Variants in TNFSF4 observed in about 807,000 individuals in gnomAD.
TNFSF4 encodes tumor necrosis factor ligand superfamily member 4.
In TNFSF4, 4 loss-of-function variants were observed where a neutral mutation model predicts 7.3. The observed-to-expected ratio is 0.55, with a 90% CI of 0.27 to 1.25. The LOEUF is 1.25. TNFSF4 is among the 50% of genes most tolerant of loss of function. The probability of loss-of-function intolerance (pLI) is 0.12; values close to 1 mark genes in which losing one functional copy is unlikely to be tolerated. For missense variants in TNFSF4, 181 were observed against 208.8 expected, an observed-to-expected ratio of 0.87 and a Z score of 0.82; for synonymous variants, 76 against 83.7, an observed-to-expected ratio of 0.91 and a Z score of 0.50.
At chr1:173,300,977 G>A in the TNFSF4 span, among the ~76,000 whole-genome samples, 3 of 151,868 alleles carry the variant, frequency 2.0e-5, no homozygotes, top group East Asian at 3.9e-4. Context: ...TTACGTGAAC[G>A]AATGATAACC....
intron 1 of TNFSF4, among the ~76,000 whole-genome samples, chr1:173,203,945 T>G (rs1282419303): frequency 1.3e-5 from 2 of 152,166 alleles, no homozygotes; most frequent in African/African-American, 4.8e-5. Context: ...ACAGTGTGTA[T>G]TGGTTTTGGT....
At chr1:173,233,121 G>A in the TNFSF4 span, among the ~76,000 whole-genome samples, 5 of 152,318 alleles carry the variant, frequency 3.3e-5, no homozygotes, top group South Asian at 1.0e-3. Flanking sequence ...AACCAGTGTA[G>A]AGAAGACCTT....
chr1:173,305,881 G>A, the TNFSF4 span, among the ~76,000 whole-genome samples: 1 of 151,756 alleles, frequency 6.6e-6, no homozygotes, highest in African/African-American at 2.4e-5. Flanking sequence ...CTCCACATGT[G>A]CGGATTAAAA....
chr1:173,175,033 T>C, the TNFSF4 span: 1 of 152,218 alleles, frequency 6.6e-6, no homozygotes, highest in African/African-American at 2.4e-5. Flanking sequence ...TGAAGTAAGA[T>C]CCTATCGGGC....
chr1:173,368,142 T>G, the TNFSF4 span, among the ~76,000 whole-genome samples: 5 of 152,052 alleles, frequency 3.3e-5, no homozygotes, highest in African/African-American at 1.2e-4. Flanking sequence ...AGGACAAAAA[T>G]GGAACACGCG....
chr1:173,350,708 A>T, the TNFSF4 span, among the ~76,000 whole-genome samples: 4 of 152,324 alleles, frequency 2.6e-5, no homozygotes, highest in South Asian at 8.3e-4. Flanking sequence ...TAGATGCAAC[A>T]TCTAAAATAT....
At chr1:173,379,427 A>C in the TNFSF4 span, among the ~76,000 whole-genome samples, 1 of 152,192 alleles carries the variant, frequency 6.6e-6, no homozygotes, top group Admixed American at 6.5e-5. Context: ...ACCATAACTC[A>C]GGGAAAGGAA....
chr1:173,342,761 TA>T, the TNFSF4 span, among the ~76,000 whole-genome samples: 14,985 of 152,214 alleles, frequency 0.098, 864 homozygotes, highest in East Asian at 0.27. Flanking sequence ...AATGTGATGA[TA>T]AACGGGAACC....
At chr1:173,410,233 T>TA in the TNFSF4 span, among the ~76,000 whole-genome samples, 1 of 151,638 alleles carries the variant, frequency 6.6e-6, no homozygotes, top group Non-Finnish European at 1.5e-5. Flanking sequence ...AAATAAAAAA[T>TA]AAAAAAAGAC....
At chr1:173,245,222 C>T in the TNFSF4 span, among the ~76,000 whole-genome samples, 1 of 152,120 alleles carries the variant, frequency 6.6e-6, no homozygotes, top group Non-Finnish European at 1.5e-5. Context: ...TGTTTTAAAA[C>T]CACTGGACTA....
At chr1:173,375,945 C>T in the TNFSF4 span, among the ~76,000 whole-genome samples, 1 of 152,144 alleles carries the variant, frequency 6.6e-6, no homozygotes, top group Non-Finnish European at 1.5e-5. Flanking sequence ...AGTGAGACCA[C>T]TAACCCACTG....
chr1:173,249,439 A>C, the TNFSF4 span, among the ~76,000 whole-genome samples: 8 of 152,342 alleles, frequency 5.3e-5, no homozygotes, highest in South Asian at 1.7e-3. Flanking sequence ...TATCATAGCA[A>C]GGGAAAGCTA....
the TNFSF4 span, among the ~76,000 whole-genome samples, chr1:173,217,648 G>A: frequency 6.6e-6 from 1 of 152,238 alleles, no homozygotes; most frequent in Admixed American, 6.5e-5. Context: ...CAAATGACTA[G>A]GCTAGTGCCA....
chr1:173,222,217 A>T, the TNFSF4 span, among the ~76,000 whole-genome samples: 1 of 145,734 alleles, frequency 6.9e-6, no homozygotes, highest in African/African-American at 2.5e-5. Context: ...GGTCTCCTAT[A>T]ATGGGTACTC....
intron 1 of TNFSF4, among the ~76,000 whole-genome samples, chr1:173,193,814 A>G (rs537857963): frequency 4.6e-5 from 7 of 151,858 alleles, no homozygotes; most frequent in Admixed American, 1.3e-4. Flanking sequence ...CTTGGCAAAT[A>G]TGGGCTCTTT....
the TNFSF4 span, among the ~76,000 whole-genome samples, chr1:173,293,559 C>A: frequency 1.3e-5 from 2 of 152,114 alleles, no homozygotes; most frequent in African/African-American, 2.4e-5. Context: ...CTAGTCTTAG[C>A]AAAGAATTTA....
chr1:173,330,616 A>G, the TNFSF4 span, among the ~76,000 whole-genome samples: 1 of 152,124 alleles, frequency 6.6e-6, no homozygotes, highest in Non-Finnish European at 1.5e-5. Flanking sequence ...CCTGAAATAC[A>G]GTAGAGCACA....
the TNFSF4 span, among the ~76,000 whole-genome samples, chr1:173,222,830 G>A: frequency 6.6e-6 from 1 of 152,148 alleles, no homozygotes; most frequent in African/African-American, 2.4e-5. Context: ...GAGGAAGTGG[G>A]GTAAAAGCAA....
chr1:173,222,078 A>G, the TNFSF4 span, among the ~76,000 whole-genome samples: 2 of 152,360 alleles, frequency 1.3e-5, no homozygotes, highest in Non-Finnish European at 2.9e-5. Flanking sequence ...CAGTAGCATT[A>G]TAATCCTGGA....
Sources: allele counts gnomAD v4.1 joint callset (sites outside exome capture counted in the v4.1 genomes callset), GRCh38; gene constraint gnomAD v4.1.1; transcripts MANE v1.5; gene names NCBI Gene and HGNC (gene_info 2026-07-23, HGNC 2026-07-21).